Variants in USP7 observed in about 807,000 individuals in gnomAD.
The protein encoded by USP7 is ubiquitin specific peptidase 7.
In USP7, 9 loss-of-function variants were observed where a neutral mutation model predicts 162.9. The observed-to-expected ratio is 0.06, with a 90% CI of 0.03 to 0.10. The LOEUF is 0.10. Among genes scored for constraint, USP7 ranks in the 10% least tolerant of loss-of-function variants. The pLI is 1.00. For missense variants in USP7, 715 were observed against 1,373.7 expected, an observed-to-expected ratio of 0.52 and a Z score of 7.58; for synonymous variants, 562 against 475.9, an observed-to-expected ratio of 1.18 and a Z score of -2.35.
chr16:8,925,464 C>A (rs1012155642), intron 2 of USP7, among the ~76,000 whole-genome samples: 3 of 152,192 alleles, frequency 2.0e-5, no homozygotes, highest in African/African-American at 7.2e-5. Flanking sequence ...CAGCTCTTTA[C>A]AGGGTTTGAT....
intron 1 of USP7, among the ~76,000 whole-genome samples, chr16:8,940,550 A>G (rs1382453231): frequency 6.6e-6 from 1 of 152,168 alleles, no homozygotes; most frequent in African/African-American, 2.4e-5. Flanking sequence ...AGTTACAGCA[A>G]TGGCCCCTGC....
At chr16:8,916,148 T>C (rs1780375219) in intron 8 of USP7, among the ~76,000 whole-genome samples, 1 of 152,066 alleles carries the variant, frequency 6.6e-6, no homozygotes, top group Non-Finnish European at 1.5e-5. Flanking sequence ...GACACTGGAG[T>C]AACAACAGAA....
chr16:8,930,425 G>T (rs16964691), intron 1 of USP7, 28 bp from the exon 2 acceptor site: 1 of 1,546,118 alleles, frequency 6.5e-7, no homozygotes, highest in Middle Eastern at 1.8e-4. Context: ...AAATTCCACG[G>T]GTTTTACATT....
chr16:8,953,624 C>CCATG, intron 1 of USP7, among the ~76,000 whole-genome samples: 1 of 35,456 alleles, frequency 2.8e-5, no homozygotes, highest in Non-Finnish European at 5.9e-5. Context: ...GACACGTGCC[C>CCATG]CGTGCGGCGC....
chr16:8,937,899 A>G lies in USP7; in HGVS notation c.80-7502T>C, dbSNP rs141952247. Reference sequence around the variant, plus strand: ...GGGGAGCTTGCATCTATGTGGGAGCAAGAGGGGGAGAGAAAATACTGACCA... The same window carrying G: ...GGGGAGCTTGCATCTATGTGGGAGCGAGAGGGGGAGAGAAAATACTGACCA... On this transcript the variant is annotated intron_variant, in intron 1 of 30. Coordinates refer to ENST00000344836, the MANE Select transcript of USP7 (RefSeq NM_003470.3). Among the ~76,000 whole-genome samples, 652 of 152,308 alleles carry G rather than the reference A, an allele frequency of 4.3e-3. 4 individuals are homozygous for G. Among genetic ancestry groups the G allele is most frequent in the African/African-American group, 0.015 (618 of 41,554 alleles).
intron 1 of USP7, among the ~76,000 whole-genome samples, chr16:8,951,104 G>C (rs1237915351): frequency 6.6e-6 from 1 of 152,204 alleles, no homozygotes; most frequent in Non-Finnish European, 1.5e-5. Context: ...TCTTCGATCA[G>C]TGACTTAACA....
Position 8,911,266 on chromosome 16 carries a change from T to C in USP7, c.1079-439A>G, listed in dbSNP as rs189234635. On this transcript the variant is annotated intron_variant, in intron 10 of 30. Transcript: ENST00000344836. ...CAACACGGGGTGGGGTGGAAGTTGG[T>C]CCTGACATCTCCCCACCCCCACCTG... is the stretch of plus-strand genomic sequence containing the variant. Among the ~76,000 whole-genome samples the C allele has an allele frequency of 3.3e-3, 508 of 152,250 alleles. 4 individuals are homozygous for C. Among genetic ancestry groups the C allele is most frequent in the African/African-American group, 0.012 (491 of 41,540 alleles).
intron 1 of USP7, among the ~76,000 whole-genome samples, chr16:8,951,616 G>C (rs1475992489): frequency 6.6e-6 from 1 of 152,196 alleles, no homozygotes; most frequent in Non-Finnish European, 1.5e-5. Flanking sequence ...GCTATACTTA[G>C]GTCTAAAATG....
chr16:8,952,985 T>G (rs1899627293), intron 1 of USP7, among the ~76,000 whole-genome samples: 1 of 152,068 alleles, frequency 6.6e-6, no homozygotes, highest in Non-Finnish European at 1.5e-5. Flanking sequence ...TACAGTCGCG[T>G]GTCACCATGC....
chr16:8,938,333 C>T (rs757221160), intron 1 of USP7, among the ~76,000 whole-genome samples: 1 of 119,728 alleles, frequency 8.4e-6, no homozygotes, highest in South Asian at 2.6e-4. Flanking sequence ...TAAGAAATAA[C>T]ACAGTCAAAA....
chr16:8,921,797 T>C (rs1178053943), intron 3 of USP7, among the ~76,000 whole-genome samples: 1 of 152,196 alleles, frequency 6.6e-6, no homozygotes, highest in Non-Finnish European at 1.5e-5. Flanking sequence ...AGAGAACTAC[T>C]GTACCTGCAG....
Position 8,930,346 on chromosome 16 carries a change from C to T in USP7, c.131G>A (p.Gly44Glu). 6.2e-7 allele frequency: 1 copy of T among 1,613,716 alleles called. No homozygotes were observed. The highest frequency in any genetic ancestry group is 8.5e-7 in the Non-Finnish European group (1 of 1,179,842). Reference sequence around the variant, plus strand: ...GTGTCCATCACTCAGGGCCACATTCCCATTGATCACAGGGTTCTGAGTAAT... The same window carrying T: ...GTGTCCATCACTCAGGGCCACATTCTCATTGATCACAGGGTTCTGAGTAAT... ...PRITQNPVIN[G>E]NVALSDGHNT... The change falls in exon 2 of 31, where the codon GGG becomes GAG. Residue 44 changes from glycine (G) to glutamate (E), a missense_variant. Gly to Glu is a moderately conservative substitution (Grantham distance 98). This residue lies in a region of USP7 where 137 missense variants were observed against 123.5 expected (regional missense o/e 1.11). Transcript: ENST00000344836.
chr16:8,959,924 T>C (rs1013486183), intron 1 of USP7, among the ~76,000 whole-genome samples: 2 of 152,208 alleles, frequency 1.3e-5, no homozygotes, highest in Non-Finnish European at 2.9e-5. Context: ...ATCTATCCCA[T>C]TCGTCTCAGA....
At position 8,900,951 on chromosome 16, in the gene USP7, T is replaced by C. The variant is rs755661396; in HGVS notation, c.2208+39A>G. 1.9e-5 allele frequency: 31 copies of C among 1,602,394 alleles called. No homozygotes were observed. The Admixed American group carries it at 3.7e-4, about 19-fold the overall frequency. On this transcript the variant is annotated intron_variant, in intron 20 of 30. Transcript: ENST00000344836. ...ACAAACAAAACCCTCCACAAACTAC[T>C]AAGAATATACTAATTATGGAAAAAT...
intron 20 of USP7, 132 bp from the exon 21 acceptor site, chr16:8,900,762 G>A: frequency 2.7e-6 from 2 of 751,262 alleles, no homozygotes; most frequent in South Asian, 2.0e-5. Flanking sequence ...AATGTTAACA[G>A]GAAAAGCTAA....
At chr16:8,924,655 T>C (rs1327543845) in intron 2 of USP7, among the ~76,000 whole-genome samples, 3 of 152,234 alleles carry the variant, frequency 2.0e-5, no homozygotes, top group African/African-American at 7.2e-5. Flanking sequence ...GACTCCAAAG[T>C]TCACTAACAA....
At position 8,899,178 on chromosome 16, in the gene USP7, G is replaced by T; in HGVS notation, c.2474C>A (p.Thr825Lys). 1 of 1,614,130 alleles carries T rather than the reference G, an allele frequency of 6.2e-7. No homozygotes were observed. The highest frequency in any genetic ancestry group is 8.5e-7 in the Non-Finnish European group (1 of 1,180,034). ...ATCTGTGTTGAGCCTCTGTGCAACTGTCTTTGCAACCTAAGACACAGAAAG... is the reference window on the plus strand; with the variant it reads ...ATCTGTGTTGAGCCTCTGTGCAACTTTCTTTGCAACCTAAGACACAGAAAG... ...NRMNYFQVAK[T>K]VAQRLNTDPM... The change falls in exon 23 of 31, where the codon ACA becomes AAA. Residue 825 changes from threonine (T) to lysine (K), a missense_variant. Around this residue, in one of 11 missense-constraint regions of USP7, gnomAD observed 222 missense variants for 441.7 expected, o/e 0.50. Coordinates refer to ENST00000344836, the MANE Select transcript of USP7 (RefSeq NM_003470.3).
At chr16:8,901,591 G>A (rs763716146) in intron 18 of USP7, among the ~76,000 whole-genome samples, 2 of 152,164 alleles carry the variant, frequency 1.3e-5, no homozygotes, top group Non-Finnish European at 2.9e-5. Context: ...GTCTTTGCCA[G>A]AAGTGACCAC....
At chr16:8,925,046 A>G (rs998543484) in intron 2 of USP7, among the ~76,000 whole-genome samples, 7 of 152,240 alleles carry the variant, frequency 4.6e-5, no homozygotes, top group Non-Finnish European at 8.8e-5. Flanking sequence ...GCGTGGTGGA[A>G]TAAGTTTTGC....
Sources: allele counts gnomAD v4.1 joint callset (sites outside exome capture counted in the v4.1 genomes callset), GRCh38; gene constraint gnomAD v4.1.1; regional missense constraint gnomAD v4.1.1; transcripts MANE v1.5; gene names NCBI Gene and HGNC (gene_info 2026-07-23, HGNC 2026-07-21).